The following LYPLAL1 variants were observed in gnomAD, a reference collection of about 807,000 sequenced individuals.
LYPLAL1 encodes lysophospholipase like 1, also known as lysophospholipase-like protein 1.
A neutral mutation model predicts 19.7 loss-of-function variants in LYPLAL1; 23 were observed. The ratio of observed to expected loss-of-function variants is 1.17; its 90% CI spans 0.84 to 1.65. The LOEUF (loss-of-function observed/expected upper bound fraction) is 1.65. Among genes scored for constraint, LYPLAL1 ranks in the 40% most tolerant of loss-of-function variants. The pLI, the probability that LYPLAL1 is intolerant of heterozygous loss-of-function variation, is 0.00. For synonymous variants in LYPLAL1, 119 were observed against 96.3 expected, an observed-to-expected ratio of 1.24 and a Z score of -1.38; for missense variants, 355 against 279.4, an observed-to-expected ratio of 1.27 and a Z score of -1.93.
chr1:219,387,997 G>T, the LYPLAL1 span, among the ~76,000 whole-genome samples: 1 of 152,284 alleles, frequency 6.6e-6, no homozygotes, highest in East Asian at 1.9e-4. Context: ...CTCATGAAAA[G>T]CTTTCCCAAT....
chr1:219,241,134 C>CTCTATATATATATATATATATATATA, the LYPLAL1 span, among the ~76,000 whole-genome samples: 5 of 44,370 alleles, frequency 1.1e-4, no homozygotes, highest in Non-Finnish European at 1.7e-4. Context: ...CTCTCTCTCT[C>CTCTATATATATATATATATATATATA]TATATATATA....
the LYPLAL1 span, among the ~76,000 whole-genome samples, chr1:219,395,276 G>T: frequency 6.6e-6 from 1 of 152,098 alleles, no homozygotes; most frequent in Non-Finnish European, 1.5e-5. Context: ...AGGCAACCTT[G>T]TCAGGACCTG....
At chr1:219,436,669 G>C in the LYPLAL1 span, among the ~76,000 whole-genome samples, 1 of 152,150 alleles carries the variant, frequency 6.6e-6, no homozygotes, top group African/African-American at 2.4e-5. Flanking sequence ...TCATCCACAA[G>C]GCTAAGTGTG....
intron 3 of LYPLAL1, among the ~76,000 whole-genome samples, chr1:219,194,658 G>A (rs1174337268): frequency 6.6e-6 from 1 of 151,874 alleles, no homozygotes; most frequent in Non-Finnish European, 1.5e-5. Context: ...CACAATGCCT[G>A]GCACAGAGCA....
chr1:219,360,559 A>G, the LYPLAL1 span, among the ~76,000 whole-genome samples: 1 of 152,338 alleles, frequency 6.6e-6, no homozygotes, highest in East Asian at 1.9e-4. Flanking sequence ...GGTAGAGAGT[A>G]AACTCAGTTA....
At chr1:219,334,359 G>A in the LYPLAL1 span, among the ~76,000 whole-genome samples, 1 of 151,890 alleles carries the variant, frequency 6.6e-6, no homozygotes, top group Non-Finnish European at 1.5e-5. Flanking sequence ...ATCTTCTAAT[G>A]TTGTAGGATT....
the LYPLAL1 span, chr1:219,271,469 A>G: frequency 7.4e-5 from 11 of 149,410 alleles, no homozygotes; most frequent in Non-Finnish European, 1.2e-4. Flanking sequence ...TTAAAGGATT[A>G]TAATCTTTTG....
chr1:219,181,460 T>C (rs1026148633), intron 2 of LYPLAL1, among the ~76,000 whole-genome samples: 1 of 151,928 alleles, frequency 6.6e-6, no homozygotes, highest in African/African-American at 2.4e-5. Context: ...TTTTCACTTA[T>C]TAGTAGCAAA....
At position 219,173,991 on chromosome 1, in the gene LYPLAL1, A is replaced by C. The variant is rs1655590464; in HGVS notation, c.91+10A>C. On this transcript the variant is annotated intron_variant, in intron 1 of 4. Transcript: ENST00000366928. ...TTCCTGCATGGCTCAGGTGGATTTC[A>C]ATTTTACGTCCTGGTTTTCTACAGC... 2 of 1,613,938 alleles carry C rather than the reference A, an allele frequency of 1.2e-6. No homozygotes were observed. The highest frequency in any genetic ancestry group is 8.5e-7 in the Non-Finnish European group (1 of 1,179,978).
the LYPLAL1 span, among the ~76,000 whole-genome samples, chr1:219,403,777 T>G: frequency 5.3e-5 from 8 of 152,236 alleles, no homozygotes; most frequent in Non-Finnish European, 1.0e-4. Context: ...AATCTGAGAT[T>G]TCTCATCCAT....
chr1:219,412,853 A>T, the LYPLAL1 span, among the ~76,000 whole-genome samples: 1 of 152,236 alleles, frequency 6.6e-6, no homozygotes, highest in Non-Finnish European at 1.5e-5. Flanking sequence ...AAGTACAACG[A>T]AAGAGATAAA....
chr1:219,259,050 A>G, the LYPLAL1 span, among the ~76,000 whole-genome samples: 1 of 152,102 alleles, frequency 6.6e-6, no homozygotes, highest in African/African-American at 2.4e-5. Context: ...AATGCAAATA[A>G]AAACAACAAT....
the LYPLAL1 span, among the ~76,000 whole-genome samples, chr1:219,367,496 C>T: frequency 6.6e-6 from 1 of 152,002 alleles, no homozygotes; most frequent in Non-Finnish European, 1.5e-5. Flanking sequence ...ATAAAATTAA[C>T]CCCTTTTTCC....
downstream of LYPLAL1, among the ~76,000 whole-genome samples, chr1:219,214,773 T>A (rs542913129): frequency 1.3e-5 from 2 of 149,226 alleles, no homozygotes; most frequent in East Asian, 4.0e-4. Context: ...TCACTACAAC[T>A]CCACCTCCTG....
chr1:219,197,445 A>C (rs1302977441), intron 3 of LYPLAL1, among the ~76,000 whole-genome samples: 1 of 152,170 alleles, frequency 6.6e-6, no homozygotes, highest in Non-Finnish European at 1.5e-5. Context: ...TTGAAACTGG[A>C]CCCCTTACTT....
the LYPLAL1 span, among the ~76,000 whole-genome samples, chr1:219,291,406 A>G: frequency 6.6e-6 from 1 of 152,336 alleles, no homozygotes; most frequent in South Asian, 2.1e-4. Context: ...AAGCATACAA[A>G]TATTTGAAAT....
At chr1:219,231,342 C>T in the LYPLAL1 span, among the ~76,000 whole-genome samples, 1 of 152,086 alleles carries the variant, frequency 6.6e-6, no homozygotes, top group Non-Finnish European at 1.5e-5. Context: ...AACTGTAAAA[C>T]AATGCAAGAA....
the LYPLAL1 span, among the ~76,000 whole-genome samples, chr1:219,423,521 A>G: frequency 6.6e-6 from 1 of 152,238 alleles, no homozygotes; most frequent in Non-Finnish European, 1.5e-5. Context: ...ATAACCTATT[A>G]CATCCAGGTT....
At chr1:219,389,083 A>G in the LYPLAL1 span, among the ~76,000 whole-genome samples, 2 of 152,212 alleles carry the variant, frequency 1.3e-5, no homozygotes, top group Non-Finnish European at 2.9e-5. Context: ...CATTTGGTAT[A>G]AAATGTATTC....
Sources: allele counts gnomAD v4.1 joint callset (sites outside exome capture counted in the v4.1 genomes callset), GRCh38; gene constraint gnomAD v4.1.1; transcripts MANE v1.5; gene names NCBI Gene and HGNC (gene_info 2026-07-23, HGNC 2026-07-21).